The following RAMP3 variants were observed in gnomAD, a reference collection of about 807,000 sequenced individuals.
RAMP3 encodes the protein receptor activity modifying protein 3.
In RAMP3, 14 loss-of-function variants were observed where a neutral mutation model predicts 13.5. That is an observed-to-expected ratio of 1.04 (90% CI 0.69 to 1.63). The LOEUF (loss-of-function observed/expected upper bound fraction) is 1.63, where lower values mean the gene tolerates loss of function less well. Ranked by LOEUF, RAMP3 falls within the 40% of genes most tolerant of loss-of-function variation. RAMP3 has a pLI of 0.00. For synonymous variants in RAMP3, 106 were observed against 88.3 expected, an observed-to-expected ratio of 1.20 and a Z score of -1.12; for missense variants, 200 against 204.8, an observed-to-expected ratio of 0.98 and a Z score of 0.14.
At chr7:45,176,827 G>A (rs1786196564) in intron 1 of RAMP3, among the ~76,000 whole-genome samples, 1 of 152,220 alleles carries the variant, frequency 6.6e-6, no homozygotes, top group Admixed American at 6.5e-5. Flanking sequence ...CCCAGAATTG[G>A]AGGGGGTCTT....
chr7:45,160,156 C>T (rs1207405693), intron 1 of RAMP3, among the ~76,000 whole-genome samples: 1 of 151,752 alleles, frequency 6.6e-6, no homozygotes, highest in Admixed American at 6.6e-5. Flanking sequence ...CATGGTGAAA[C>T]TCCGTCTCTA....
rs188805028 is a variant in RAMP3, at chr7:45,158,529, T to C, written c.58+643T>C. Among the ~76,000 whole-genome samples, 24 of 152,334 alleles carry C rather than the reference T, an allele frequency of 1.6e-4. 1 individual carries two copies. In the East Asian group the frequency reaches 2.9e-3, roughly 18 times the overall value. On this transcript the variant is annotated intron_variant, in intron 1 of 2. Transcript: ENST00000242249. ...AAATAGATTAAACTAAAAGCTTGTT[T>C]TGAAGTACCTTGCTAAAGAAATTAT...
intron 1 of RAMP3, among the ~76,000 whole-genome samples, chr7:45,172,842 C>A (rs1384974831): frequency 6.6e-6 from 1 of 152,170 alleles, no homozygotes; most frequent in Non-Finnish European, 1.5e-5. Flanking sequence ...CCATGATGAT[C>A]AGTTTAAACT....
chr7:45,183,162 A>G lies in RAMP3; in HGVS notation c.197A>G (p.Tyr66Cys), dbSNP rs201078017. ...WCNLSEFIVY[Y>C]ESFTNCTEME... ...CACCCCCTCTGCTTTTGCAGGTACT[A>G]TGAGAGTTTCACCAACTGCACCGAG... is the stretch of plus-strand genomic sequence containing the variant. Residue 66 changes from tyrosine (Y) to cysteine (C), a missense_variant, in exon 3 of 3, where the codon TAT (tyrosine) becomes TGT (cysteine). Physicochemically the swap from Tyr to Cys is radical, Grantham distance 194. Transcript: ENST00000242249. 1 of 1,610,576 alleles carries G rather than the reference A, an allele frequency of 6.2e-7. No individual in the cohort carries two copies. The highest frequency in any genetic ancestry group is 8.5e-7 in the Non-Finnish European group (1 of 1,179,916).
intron 1 of RAMP3, among the ~76,000 whole-genome samples, chr7:45,167,843 C>G (rs1369184669): frequency 6.6e-6 from 1 of 151,998 alleles, no homozygotes; most frequent in East Asian, 2.0e-4. Flanking sequence ...GCCATGGCCT[C>G]CCAAAGTGCT....
At chr7:45,173,980 G>A (rs573707674) in intron 1 of RAMP3, among the ~76,000 whole-genome samples, 3 of 152,272 alleles carry the variant, frequency 2.0e-5, no homozygotes, top group Admixed American at 6.5e-5. Context: ...GCCAAGGAGA[G>A]GGGTGAGGTG....
intron 1 of RAMP3, chr7:45,163,319 C>G: frequency 1.0e-6 from 1 of 985,436 alleles, no homozygotes; most frequent in Non-Finnish European, 1.2e-6. Context: ...TCCCTACCAG[C>G]CTTATAGAAG....
chr7:45,172,597 T>A (rs1283194771), intron 1 of RAMP3, among the ~76,000 whole-genome samples: 2 of 152,216 alleles, frequency 1.3e-5, no homozygotes, highest in Admixed American at 6.5e-5. Flanking sequence ...TACCTCAGCT[T>A]CCCGAGTAGG....
chr7:45,163,898 A>G (rs1478267095), intron 1 of RAMP3: 2 of 985,070 alleles, frequency 2.0e-6, no homozygotes, highest in Non-Finnish European at 2.4e-6. Context: ...CGCCAGCTTC[A>G]GTCCTGGCTG....
At chr7:45,174,367 C>T (rs780919767) in intron 1 of RAMP3, among the ~76,000 whole-genome samples, 1 of 152,158 alleles carries the variant, frequency 6.6e-6, no homozygotes, top group Non-Finnish European at 1.5e-5. Context: ...CTCAGCAAGC[C>T]CTCATGTGTG....
intron 2 of RAMP3, among the ~76,000 whole-genome samples, chr7:45,178,919 G>A (rs906336026): frequency 2.6e-5 from 4 of 152,188 alleles, no homozygotes; most frequent in Admixed American, 6.5e-5. Context: ...ACCTGATGCT[G>A]GAAAAGGGGA....
rs1786379383 is a variant in RAMP3 at position 45,184,111 on chromosome 7, G to C, written c.*699G>C. On this transcript the variant is annotated 3_prime_UTR_variant, in exon 3 of 3. Transcript: ENST00000242249. ...TTAGAGCCCCTCACCGGGACTTGCTGTGCGGATGGGGCCTGGGCCTCCTTC... is the reference window on the plus strand; with the variant it reads ...TTAGAGCCCCTCACCGGGACTTGCTCTGCGGATGGGGCCTGGGCCTCCTTC... The C allele has an allele frequency of 2.5e-6, 1 of 399,442 alleles. No individual in the cohort carries two copies. Among genetic ancestry groups the C allele is most frequent in the Non-Finnish European group, 4.4e-6 (1 of 226,768 alleles). The allele number at this position is 399,442 out of a possible 1,614,324, so 24.7% of individuals were successfully genotyped here.
chr7:45,181,678 G>A (rs895650441), intron 2 of RAMP3, among the ~76,000 whole-genome samples: 2 of 152,130 alleles, frequency 1.3e-5, no homozygotes, highest in Non-Finnish European at 2.9e-5. Flanking sequence ...TGGACAGCAG[G>A]CTACTGAATC....
At chr7:45,183,121 G>T (rs772341814) in intron 2 of RAMP3, 36 bp from the exon 3 acceptor site, 7 of 1,601,264 alleles carry the variant, frequency 4.4e-6, no homozygotes, top group African/African-American at 1.3e-5. Context: ...AGGGGGGATG[G>T]CGAGAGCCTG....
chr7:45,171,441 C>T (rs940249955), intron 1 of RAMP3, among the ~76,000 whole-genome samples: 2 of 152,290 alleles, frequency 1.3e-5, no homozygotes, highest in East Asian at 3.9e-4. Context: ...CAGGCGTGAG[C>T]CACCACGCTC....
intron 1 of RAMP3, among the ~76,000 whole-genome samples, chr7:45,167,974 A>G (rs1409097607): frequency 6.6e-6 from 1 of 152,178 alleles, no homozygotes; most frequent in Admixed American, 6.5e-5. Flanking sequence ...AATTACTGCA[A>G]TGGGCCAGCT....
chr7:45,183,055 G>C (rs1786348966), intron 2 of RAMP3, 102 bp from the exon 3 acceptor site: 1 of 1,505,650 alleles, frequency 6.6e-7, no homozygotes, highest in Admixed American at 1.8e-5. Context: ...TGGCCAAATG[G>C]GACTGTACCC....
rs957126715 is a variant in RAMP3, at chr7:45,163,452, G to A, written c.58+5566G>A. The A allele has an allele frequency of 9.1e-6, 9 of 985,332 alleles. No homozygotes were observed. The African/African-American group carries it at 1.6e-4, about 17-fold the overall frequency. 61.0% of individuals were successfully genotyped at this position (985,332 alleles called of 1,614,324 possible). ...GGGATACACAGAAGTGGGAGCTGCT[G>A]GTGTCCAGGAAGGAGGCTGTGGTAA... On this transcript the variant is annotated intron_variant, in intron 1 of 2. Coordinates refer to ENST00000242249, the MANE Select transcript of RAMP3 (RefSeq NM_005856.3).
At chr7:45,172,191 C>A (rs1294948) in intron 1 of RAMP3, among the ~76,000 whole-genome samples, 56,204 of 152,082 alleles carry the variant, frequency 0.37, 12,537 homozygotes, top group African/African-American at 0.63. Flanking sequence ...CTCCTGCAAC[C>A]TGGAGCTGGG....
Sources: allele counts gnomAD v4.1 joint callset (sites outside exome capture counted in the v4.1 genomes callset), GRCh38; gene constraint gnomAD v4.1.1; transcripts MANE v1.5; gene names NCBI Gene and HGNC (gene_info 2026-07-23, HGNC 2026-07-21).